Variants in SHISAL2A observed in about 807,000 individuals in gnomAD.
SHISAL2A encodes the protein protein shisa-like-2A.
Under a neutral mutation model 11.5 loss-of-function variants are expected in SHISAL2A, and 18 were observed. That is an observed-to-expected ratio of 1.57 (90% CI 1.08 to 2.33). SHISAL2A has a LOEUF of 2.33. Among genes scored for constraint, SHISAL2A ranks in the 30% most tolerant of loss-of-function variants. The probability of loss-of-function intolerance (pLI) is 0.00; values close to 1 mark genes in which losing one functional copy is unlikely to be tolerated. For synonymous variants in SHISAL2A, 94 were observed against 99.6 expected (o/e 0.94, Z 0.34); for missense variants, 261 against 250.9 (o/e 1.04, Z -0.27).
exon 5 of SHISAL2A, chr1:52,667,529 G>A (rs751708335): frequency 7.5e-4 from 251 of 333,060 alleles, no homozygotes; most frequent in Non-Finnish European, 8.5e-4. Flanking sequence ...CATTGTCATC[G>A]TCATCATTAT....
intron 2 of SHISAL2A, among the ~76,000 whole-genome samples, chr1:52,643,551 T>G (rs1048647136): frequency 6.6e-6 from 1 of 152,124 alleles, no homozygotes; most frequent in African/African-American, 2.4e-5. Context: ...CTGAAAGATA[T>G]TATGAAAGAT....
intron 1 of SHISAL2A, among the ~76,000 whole-genome samples, chr1:52,639,731 C>T (rs902470497): frequency 1.2e-4 from 19 of 152,008 alleles, no homozygotes; most frequent in African/African-American, 3.6e-4. Flanking sequence ...CCAGCCGGGG[C>T]GACAGAGTGA....
chr1:52,658,636 G>C (rs1691844986), downstream of SHISAL2A, among the ~76,000 whole-genome samples: 1 of 152,222 alleles, frequency 6.6e-6, no homozygotes, highest in African/African-American at 2.4e-5. Context: ...AAAGCACTAT[G>C]TGTTAGCTAT....
chr1:52,650,643 CTTTTT>C (rs35001247), intron 2 of SHISAL2A, among the ~76,000 whole-genome samples: 1 of 108,116 alleles, frequency 9.2e-6, no homozygotes, highest in Non-Finnish European at 1.8e-5. Flanking sequence ...TTTTAAAACC[CTTTTT>C]TTTTTTTTTT....
rs1553252792 is a variant in SHISAL2A at position 52,654,266 on chromosome 1, T to TAGATAGAC, written c.323-2517_323-2516insCAGATAGA. Among the ~76,000 whole-genome samples the TAGATAGAC allele has an allele frequency of 7.8e-3, 793 of 101,236 alleles. 5 individuals are homozygous for TAGATAGAC. The highest frequency in any genetic ancestry group is 0.022 in the African/African-American group (699 of 31,938). 66.4% of individuals were successfully genotyped at this position (101,236 alleles called of 152,430 possible). ...ATAGATAGATAGATAGATAGACAGA[T>TAGATAGAC]AGATAGATAGATAGATAAGCTAATT... On this transcript the variant is annotated intron_variant, in intron 2 of 2. Coordinates refer to ENST00000517870, the MANE Select transcript of SHISAL2A (RefSeq NM_001042693.3).
chr1:52,647,823 G>A (rs962439703), intron 2 of SHISAL2A, among the ~76,000 whole-genome samples: 1 of 147,256 alleles, frequency 6.8e-6, no homozygotes, highest in Admixed American at 6.9e-5. Flanking sequence ...CAGCCTGGGC[G>A]ACAGATCAAG....
At chr1:52,666,771 A>T (rs1692021619) in intron 4 of SHISAL2A, among the ~76,000 whole-genome samples, 1 of 152,144 alleles carries the variant, frequency 6.6e-6, no homozygotes, top group Admixed American at 6.6e-5. Flanking sequence ...AAGCTATTGG[A>T]TGTCTCACTG....
At chr1:52,646,097 C>A (rs1691494643) in intron 2 of SHISAL2A, among the ~76,000 whole-genome samples, 1 of 152,112 alleles carries the variant, frequency 6.6e-6, no homozygotes, top group South Asian at 2.1e-4. Flanking sequence ...TCCCCTAGGA[C>A]AATTGGCAAT....
chr1:52,660,042 CT>C (rs961778395), downstream of SHISAL2A, among the ~76,000 whole-genome samples: 3 of 152,170 alleles, frequency 2.0e-5, no homozygotes, highest in African/African-American at 7.2e-5. Flanking sequence ...ACCCCAGTGT[CT>C]GACTCAGTAG....
Position 52,642,772 on chromosome 1 carries a change from G to GCTCA in SHISAL2A, c.183-90_183-87dup. ...ATTCTGTACATTTTCTTCCCAGCAG[G>GCTCA]CTCATTCTAGCCTAGCTACAACACT... On this transcript the variant is annotated intron_variant, in intron 1 of 2. Transcript: ENST00000517870. 1.0e-5 allele frequency: 13 copies of GCTCA among 1,295,860 alleles called. No homozygotes were observed. In the South Asian group the frequency reaches 1.7e-4, roughly 17 times the overall value. 80.3% of individuals were successfully genotyped at this position (1,295,860 alleles called of 1,614,324 possible).
chr1:52,658,195 A>G (rs191892055), downstream of SHISAL2A, among the ~76,000 whole-genome samples: 265 of 152,174 alleles, frequency 1.7e-3, no homozygotes, highest in African/African-American at 6.1e-3. Context: ...GTGTGCCACC[A>G]TGCCTGGCTA....
chr1:52,667,908 A>AT (rs1045785403), intron 5 of SHISAL2A, among the ~76,000 whole-genome samples: 2 of 152,166 alleles, frequency 1.3e-5, no homozygotes, highest in African/African-American at 4.8e-5. Flanking sequence ...TGGTTTGAAT[A>AT]TAGTTCTCTT....
rs774321833 is a variant in SHISAL2A at position 52,633,700 on chromosome 1, C to A, written c.182+25C>A. On this transcript the variant is annotated intron_variant, in intron 1 of 2. Transcript: ENST00000517870. This position sits in a 1 kb window ranked among gnomAD's most constrained non-coding sequence, Gnocchi z 6.4. ...GGTACCGTCCCTGGCCCTCACCCTACCTTGAACCCCACTCCAGTCTCAGCG... is the reference window on the plus strand; with the variant it reads ...GGTACCGTCCCTGGCCCTCACCCTAACTTGAACCCCACTCCAGTCTCAGCG... The A allele has an allele frequency of 2.5e-6, 4 of 1,579,502 alleles. No homozygotes were observed. In the East Asian group the frequency reaches 7.2e-5, roughly 28 times the overall value.
rs920038174 is a variant in SHISAL2A at position 52,642,715 on chromosome 1, T to C, written c.183-148T>C. On this transcript the variant is annotated intron_variant, in intron 1 of 2. Coordinates refer to ENST00000517870, the MANE Select transcript of SHISAL2A (RefSeq NM_001042693.3). The stretch of plus-strand genomic sequence containing the variant: ...CTGGGATTACAGGCATGGGCCACTA[T>C]GCCTGGCCTAAAATTTTTTTTAAAT... 21 of 822,134 alleles carry C rather than the reference T, an allele frequency of 2.6e-5. No homozygotes were observed. The African/African-American group carries it at 3.1e-4, about 12-fold the overall frequency. The allele number at this position is 822,134 out of a possible 1,614,324, so 50.9% of individuals were successfully genotyped here.
chr1:52,662,864 T>C (rs79428672), intron 4 of SHISAL2A, among the ~76,000 whole-genome samples: 286 of 152,300 alleles, frequency 1.9e-3, no homozygotes, highest in African/African-American at 6.4e-3. Context: ...CTAGGTTAAA[T>C]AGACAGTTAA....
Position 52,633,250 on chromosome 1 carries a change from G to GCCGCCGGCCC in SHISAL2A, c.-237_-228dup, listed in dbSNP as rs1553251118. 6.1e-6 allele frequency: 2 copies of GCCGCCGGCCC among 327,358 alleles called. No homozygotes were observed. Among genetic ancestry groups the GCCGCCGGCCC allele is most frequent in the Non-Finnish European group, 1.1e-5 (2 of 181,722 alleles). The allele number at this position is 327,358 out of a possible 1,614,324, so 20.3% of individuals were successfully genotyped here. A position where few individuals can be genotyped will look rare whatever the true frequency, so the allele number is the denominator to read the frequency against. On this transcript the variant is annotated 5_prime_UTR_variant, in exon 1 of 3. Transcript: ENST00000517870. The surrounding 1 kb of genome is among the most constrained non-coding windows in gnomAD (Gnocchi z 6.4). ...CCGCGTTCCAGCAGCCGTCACTCCC[G>GCCGCCGGCCC]CCGCCGGCCCCCGCCGCCCGCCCCG... is the stretch of plus-strand genomic sequence containing the variant.
chr1:52,640,136 T>C (rs1287058164), intron 1 of SHISAL2A: 1 of 152,156 alleles, frequency 6.6e-6, no homozygotes, highest in Non-Finnish European at 1.5e-5. Context: ...TGCTATACTG[T>C]TCCATTGCAG....
At chr1:52,668,949 G>C (rs1692061296) in exon 6 of SHISAL2A, 1 of 152,196 alleles carries the variant, frequency 6.6e-6, no homozygotes, top group African/African-American at 2.4e-5. Context: ...CCACAGGGTT[G>C]GCATGCCCTC....
intron 2 of SHISAL2A, among the ~76,000 whole-genome samples, chr1:52,652,638 T>C (rs1473365936): frequency 6.6e-6 from 1 of 151,088 alleles, no homozygotes; most frequent in Non-Finnish European, 1.5e-5. Flanking sequence ...TCCCAAGGAG[T>C]CTATAAAACG....
Sources: gnomAD v4.1 joint callset for allele counts (sites outside exome capture counted in the v4.1 genomes callset) on GRCh38, gnomAD v4.1.1 for gene constraint, Gnocchi (gnomAD v3.1) non-coding constraint, MANE v1.5 for transcripts, NCBI Gene and HGNC (gene_info 2026-07-23, HGNC 2026-07-21) for gene names.